NELL1: variants seen among roughly 807,000 people sequenced by gnomAD.
NELL1 encodes protein kinase C-binding protein NELL1.
NELL1 carries 76 observed loss-of-function variants against 107.4 expected under a neutral mutation model. The ratio of observed to expected loss-of-function variants is 0.71; its 90% CI spans 0.59 to 0.86. The LOEUF (loss-of-function observed/expected upper bound fraction) is 0.86. Ranked by LOEUF, NELL1 falls within the 40% of genes least tolerant of loss-of-function variation. The probability of loss-of-function intolerance (pLI) is 0.00; values close to 1 mark genes in which losing one functional copy is unlikely to be tolerated. For synonymous variants in NELL1, 353 were observed against 341.2 expected, an observed-to-expected ratio of 1.03 and a Z score of -0.38; for missense variants, 1,024 against 1,005.5, an observed-to-expected ratio of 1.02 and a Z score of -0.25.
intron 13 of NELL1, among the ~76,000 whole-genome samples, chr11:21,183,866 AG>A (rs1288784371): frequency 6.6e-6 from 1 of 151,858 alleles, no homozygotes; most frequent in Non-Finnish European, 1.5e-5. Context: ...AGATTGAGGG[AG>A]GGTAAAGGGA....
intron 15 of NELL1, among the ~76,000 whole-genome samples, chr11:21,438,968 A>C (rs1331173458): frequency 1.3e-5 from 2 of 151,842 alleles, no homozygotes; most frequent in African/African-American, 4.8e-5. Context: ...TGTGAGGTTG[A>C]CTCATGAGAG....
At chr11:21,244,431 A>G (rs2133902120) in intron 14 of NELL1, among the ~76,000 whole-genome samples, 1 of 152,304 alleles carries the variant, frequency 6.6e-6, no homozygotes, top group African/African-American at 2.4e-5. Flanking sequence ...GACATGCTTA[A>G]GCACAGCACT....
intron 14 of NELL1, among the ~76,000 whole-genome samples, chr11:21,268,320 C>T (rs1038836967): frequency 3.9e-5 from 6 of 152,114 alleles, no homozygotes; most frequent in African/African-American, 1.4e-4. Flanking sequence ...TGAAAAATTC[C>T]CCTATGCTTC....
intron 3 of NELL1, among the ~76,000 whole-genome samples, chr11:20,810,335 A>G (rs1857473442): frequency 6.6e-6 from 1 of 152,114 alleles, no homozygotes. Flanking sequence ...AGCAGTATAC[A>G]CTGCACCATA....
intron 12 of NELL1, among the ~76,000 whole-genome samples, chr11:21,030,825 T>C (rs963237353): frequency 6.6e-6 from 1 of 152,174 alleles, no homozygotes; most frequent in Non-Finnish European, 1.5e-5. Flanking sequence ...ATAATTACTA[T>C]TGATATTTGG....
chr11:21,502,723 G>A (rs968946509), intron 15 of NELL1, among the ~76,000 whole-genome samples: 4 of 152,060 alleles, frequency 2.6e-5, no homozygotes, highest in Non-Finnish European at 4.4e-5. Flanking sequence ...GCCCATTCTG[G>A]TTATACACAC....
chr11:21,159,584 C>G (rs1856316927), intron 13 of NELL1, among the ~76,000 whole-genome samples: 1 of 152,154 alleles, frequency 6.6e-6, no homozygotes, highest in Non-Finnish European at 1.5e-5. Flanking sequence ...TGCCTTCATA[C>G]CACTTCCCAA....
At chr11:21,546,119 G>T (rs1232968254) in intron 16 of NELL1, among the ~76,000 whole-genome samples, 1 of 151,976 alleles carries the variant, frequency 6.6e-6, no homozygotes, top group Non-Finnish European at 1.5e-5. Flanking sequence ...CACTAACAAT[G>T]TGAGAACCAC....
intron 17 of NELL1, among the ~76,000 whole-genome samples, chr11:21,566,883 TTG>T: frequency 6.6e-6 from 1 of 151,914 alleles, no homozygotes; most frequent in South Asian, 2.1e-4. Context: ...AACATTGCCA[TTG>T]TTCTGAAACA....
intron 15 of NELL1, among the ~76,000 whole-genome samples, chr11:21,426,123 G>A (rs967038739): frequency 2.0e-5 from 3 of 152,138 alleles, no homozygotes; most frequent in Non-Finnish European, 4.4e-5. Flanking sequence ...TTTACTGGTG[G>A]AATTCATTCT....
chr11:20,794,321 C>G (rs1857129867), intron 3 of NELL1, among the ~76,000 whole-genome samples: 1 of 152,212 alleles, frequency 6.6e-6, no homozygotes, highest in Non-Finnish European at 1.5e-5. Flanking sequence ...GCATAGGTAA[C>G]AGACTGCCTC....
intron 15 of NELL1, among the ~76,000 whole-genome samples, chr11:21,404,733 G>A (rs995120172): frequency 2.6e-5 from 4 of 151,976 alleles, no homozygotes; most frequent in Non-Finnish European, 5.9e-5. Flanking sequence ...ATATGGTCCA[G>A]AACTGGGATT....
chr11:21,302,436 T>TCA (rs887190372), intron 14 of NELL1, among the ~76,000 whole-genome samples: 2 of 152,026 alleles, frequency 1.3e-5, no homozygotes, highest in African/African-American at 4.8e-5. Context: ...GTTATCAAGC[T>TCA]CAGCATGAAT....
chr11:21,496,067 C>T (rs1854969157), intron 15 of NELL1, among the ~76,000 whole-genome samples: 1 of 151,996 alleles, frequency 6.6e-6, no homozygotes, highest in South Asian at 2.1e-4. Context: ...GCTATAAGGT[C>T]ACGTGACCCT....
intron 5 of NELL1, among the ~76,000 whole-genome samples, chr11:20,914,597 G>A (rs939401580): frequency 6.6e-6 from 1 of 152,058 alleles, no homozygotes; most frequent in Non-Finnish European, 1.5e-5. Flanking sequence ...AATGAAGCAT[G>A]TTCAACTCCT....
intron 14 of NELL1, among the ~76,000 whole-genome samples, chr11:21,289,184 C>A (rs974454593): frequency 5.3e-5 from 8 of 152,202 alleles, no homozygotes; most frequent in Non-Finnish European, 1.0e-4. Flanking sequence ...TGGAAACATG[C>A]TCTACCACCA....
At chr11:20,780,692 G>C (rs957720060) in intron 2 of NELL1, among the ~76,000 whole-genome samples, 19 of 152,318 alleles carry the variant, frequency 1.2e-4, no homozygotes, top group Admixed American at 7.8e-4. Context: ...TGGAGCATTA[G>C]AGAGACATTA....
At position 20,757,539 on chromosome 11, in the gene NELL1, T is replaced by G. The variant is rs1335012251; in HGVS notation, c.185-26141T>G. On this transcript the variant is annotated intron_variant, in intron 2 of 19. Transcript: ENST00000357134. The stretch of plus-strand genomic sequence containing the variant: ...CTATATACATACCAGAGCATCTGTT[T>G]CAAACCTTTCCATTTTTCTTATTTG... Among the ~76,000 whole-genome samples the G allele has an allele frequency of 2.0e-5, 3 of 152,356 alleles. No homozygotes were observed. The East Asian group carries it at 5.8e-4, about 29-fold the overall frequency.
chr11:21,228,477 G>C (rs1029054236), intron 13 of NELL1, among the ~76,000 whole-genome samples: 7 of 152,084 alleles, frequency 4.6e-5, no homozygotes, highest in Non-Finnish European at 1.0e-4. Context: ...CTTAAACAGA[G>C]GCCTCAGAGT....
Sources: allele counts gnomAD v4.1 joint callset (sites outside exome capture counted in the v4.1 genomes callset), GRCh38; gene constraint gnomAD v4.1.1; transcripts MANE v1.5; gene names NCBI Gene and HGNC (gene_info 2026-07-23, HGNC 2026-07-21).